The following ZNF568 variants were observed in gnomAD, a reference collection of about 807,000 sequenced individuals.
ZNF568 encodes zinc finger protein 568.
ZNF568 carries 11 observed loss-of-function variants against 18.1 expected under a neutral mutation model. That is an observed-to-expected ratio of 0.61 (90% confidence interval 0.38 to 1.00). The LOEUF is 1.00. ZNF568 is among the 50% of genes least tolerant of loss of function. The pLI is 0.01. For missense variants in ZNF568, 639 were observed against 768.2 expected, an observed-to-expected ratio of 0.83 and a Z score of 1.99; for synonymous variants, 213 against 246.6, an observed-to-expected ratio of 0.86 and a Z score of 1.28.
intron 6 of ZNF568, among the ~76,000 whole-genome samples, chr19:36,940,533 A>G (rs924050888): frequency 6.6e-6 from 1 of 152,194 alleles, no homozygotes; most frequent in Non-Finnish European, 1.5e-5. Flanking sequence ...ATGTAGAGCT[A>G]TATTTGGGAA....
chr19:36,937,106 C>G, intron 5 of ZNF568, 41 bp from the exon 6 acceptor site: 1 of 1,580,856 alleles, frequency 6.3e-7, no homozygotes, highest in Non-Finnish European at 8.7e-7. Context: ...ATGGTTGTCT[C>G]CAGCATTGAC....
intron 6 of ZNF568, among the ~76,000 whole-genome samples, chr19:36,937,967 A>G (rs2073817870): frequency 6.6e-6 from 1 of 152,130 alleles, no homozygotes; most frequent in African/African-American, 2.4e-5. Context: ...CTTCCTTTCC[A>G]CAGTTGCATA....
intron 4 of ZNF568, among the ~76,000 whole-genome samples, chr19:36,933,794 C>T (rs1255952947): frequency 1.3e-5 from 2 of 151,204 alleles, no homozygotes; most frequent in African/African-American, 4.9e-5. Context: ...TTTATTCATC[C>T]TCTTTGTTTT....
At chr19:36,928,219 G>A (rs1257635414) in intron 4 of ZNF568, among the ~76,000 whole-genome samples, 14 of 151,620 alleles carry the variant, frequency 9.2e-5, no homozygotes, top group African/African-American at 2.7e-4. Context: ...CACCTGTCCC[G>A]AAAGATATTT....
chr19:36,977,247 C>T lies in ZNF568; in HGVS notation c.406-1757C>T, dbSNP rs1490266984. ...CCTAAAATACTTTCTGTCTTTTATC[C>T]AAACAATCTAGTCTTTAAGGTGTCT... is the stretch of plus-strand genomic sequence containing the variant. On this transcript the variant is annotated intron_variant, in intron 7 of 7. Transcript: ENST00000427117. Among the ~76,000 whole-genome samples the T allele has an allele frequency of 6.6e-5, 10 of 152,032 alleles. 1 individual carries two copies. Among genetic ancestry groups the T allele is most frequent in the Admixed American group, 6.6e-4 (10 of 15,252 alleles).
At chr19:36,962,453 G>T (rs545960697) in intron 6 of ZNF568, among the ~76,000 whole-genome samples, 1 of 150,324 alleles carries the variant, frequency 6.7e-6, no homozygotes, top group Admixed American at 6.7e-5. Context: ...TGATTCCCGT[G>T]CCTCAGCCTC....
At chr19:36,936,319 TAAA>T (rs1464478042) in intron 4 of ZNF568, among the ~76,000 whole-genome samples, 3 of 152,216 alleles carry the variant, frequency 2.0e-5, no homozygotes, top group Non-Finnish European at 2.9e-5. Flanking sequence ...TTGCATCACT[TAAA>T]GAAGCTGAGA....
At chr19:36,987,809 G>A (rs1644673) in intron 2 of ZNF568, among the ~76,000 whole-genome samples, 80,894 of 133,130 alleles carry the variant, frequency 0.61, 22,132 homozygotes, top group African/African-American at 0.67. Context: ...CAGAGAGAAA[G>A]AAAACACAGA....
At chr19:36,961,456 C>T (rs1568399024) in intron 6 of ZNF568, among the ~76,000 whole-genome samples, 1 of 150,858 alleles carries the variant, frequency 6.6e-6, no homozygotes, top group Non-Finnish European at 1.5e-5. Flanking sequence ...ATTTGGGGAT[C>T]TTTTTAAAAA....
At chr19:36,962,277 G>GTTTTTTTTTT (rs71177418) in intron 6 of ZNF568, among the ~76,000 whole-genome samples, 18 of 45,278 alleles carry the variant, frequency 4.0e-4, no homozygotes, top group East Asian at 1.8e-3. Flanking sequence ...GTGTTGCAGT[G>GTTTTTTTTTT]TTTTTTTTTT....
At chr19:36,996,740 A>G (rs1035014637) in exon 5 of ZNF568, 6 of 1,538,632 alleles carry the variant, frequency 3.9e-6, no homozygotes, top group Admixed American at 2.0e-5. Context: ...GCCTTTAATC[A>G]TGATTCTGGA....
downstream of ZNF568, among the ~76,000 whole-genome samples, chr19:36,982,618 A>G (rs1286644376): frequency 2.0e-5 from 3 of 152,280 alleles, no homozygotes; most frequent in African/African-American, 4.8e-5. Flanking sequence ...AGGCAGGAGA[A>G]TCGCTTGAAC....
Position 36,966,930 on chromosome 19 carries a change from T to A in ZNF568, c.359-7490T>A, listed in dbSNP as rs149028406. ...CTCATGCTCACAGTGGCACCCAAAC[T>A]CCTCTGCATCCTGGCCATCAGCCGT... On this transcript the variant is annotated intron_variant, in intron 6 of 7. Coordinates refer to the ZNF568 transcript ENST00000427117. Among the ~76,000 whole-genome samples, 693 of 152,268 alleles carry A rather than the reference T, an allele frequency of 4.6e-3. 15 individuals carry two copies. The highest frequency in any genetic ancestry group is 0.04 in the East Asian group (204 of 5,164).
At chr19:36,970,474 A>G (rs2074227874) in intron 6 of ZNF568, among the ~76,000 whole-genome samples, 1 of 151,624 alleles carries the variant, frequency 6.6e-6, no homozygotes, top group Middle Eastern at 3.2e-3. Flanking sequence ...CCTCCCCAGT[A>G]GCTGGAAGTA....
chr19:36,997,641 G>A, downstream of ZNF568: 1 of 1,464,758 alleles, frequency 6.8e-7, no homozygotes, highest in Middle Eastern at 1.7e-4. Flanking sequence ...ATGAATGTCA[G>A]CAGTGTGGAA....
chr19:36,941,672 G>A (rs565094225), intron 6 of ZNF568, among the ~76,000 whole-genome samples: 1 of 152,154 alleles, frequency 6.6e-6, no homozygotes, highest in African/African-American at 2.4e-5. Context: ...AGATAGACTT[G>A]TCAGGATCAT....
intron 4 of ZNF568, among the ~76,000 whole-genome samples, chr19:36,927,903 ATTTT>A (rs71177414): frequency 4.1e-4 from 11 of 26,602 alleles, no homozygotes; most frequent in East Asian, 2.5e-3. Context: ...ATATATATAT[ATTTT>A]TTTTTTTTTT....
At chr19:36,971,310 T>C (rs557713543) in intron 6 of ZNF568, among the ~76,000 whole-genome samples, 2 of 152,060 alleles carry the variant, frequency 1.3e-5, no homozygotes, top group East Asian at 3.9e-4. Context: ...TTTGCTCTTG[T>C]ATATCAGTCT....
chr19:36,917,989 C>T (rs1425726072), intron 2 of ZNF568, among the ~76,000 whole-genome samples: 2 of 152,170 alleles, frequency 1.3e-5, no homozygotes, highest in Non-Finnish European at 2.9e-5. Flanking sequence ...CGCTCTGTCA[C>T]CCAGGCTGGA....
Sources: allele counts gnomAD v4.1 joint callset (sites outside exome capture counted in the v4.1 genomes callset), GRCh38; gene constraint gnomAD v4.1.1; transcripts MANE v1.5; gene names NCBI Gene and HGNC (gene_info 2026-07-23, HGNC 2026-07-21).